KIRREL3: variants seen among roughly 807,000 people sequenced by gnomAD.
KIRREL3 encodes kirre like nephrin family adhesion molecule 3, also known as kin of IRRE-like protein 3.
KIRREL3 carries 36 observed loss-of-function variants against 89.7 expected under a neutral mutation model. The observed-to-expected ratio is 0.40, with a 90% CI of 0.31 to 0.53. The LOEUF (loss-of-function observed/expected upper bound fraction) is 0.53, where lower values mean the gene tolerates loss of function less well. KIRREL3 is among the 20% of genes least tolerant of loss of function. The pLI is 0.49. For synonymous variants in KIRREL3, 445 were observed against 441.4 expected, an observed-to-expected ratio of 1.01 and a Z score of -0.10; for missense variants, 864 against 1,056.6, an observed-to-expected ratio of 0.82 and a Z score of 2.53.
At chr11:126,714,225 A>T (rs941326463) in intron 1 of KIRREL3, among the ~76,000 whole-genome samples, 12 of 152,218 alleles carry the variant, frequency 7.9e-5, no homozygotes, top group African/African-American at 2.9e-4. Context: ...CAATACAATG[A>T]CATAATCAAT....
At chr11:126,804,122 G>A (rs1255629485) in intron 1 of KIRREL3, among the ~76,000 whole-genome samples, 2 of 152,216 alleles carry the variant, frequency 1.3e-5, no homozygotes, top group African/African-American at 4.8e-5. Context: ...TTCAATAAGG[G>A]CATGTGAGGT....
chr11:126,506,975 C>T lies in KIRREL3; in HGVS notation c.433+14340G>A, dbSNP rs370330504. ...AACTGGAAACAATCCGACTGTCTGC[C>T]GACTGGCGAATGGATAAACAGAATG... On this transcript the variant is annotated intron_variant, in intron 4 of 16. Coordinates refer to ENST00000525144, the MANE Select transcript of KIRREL3 (RefSeq NM_032531.4). 4.1e-4 allele frequency among the ~76,000 whole-genome samples: 63 copies of T among 152,112 alleles called. 1 individual carries two copies. The highest frequency in any genetic ancestry group is 1.3e-3 in the African/African-American group (55 of 41,466).
intron 5 of KIRREL3, among the ~76,000 whole-genome samples, chr11:126,472,311 C>T (rs540982414): frequency 2.0e-5 from 3 of 152,308 alleles, no homozygotes; most frequent in Admixed American, 2.0e-4. Context: ...ATTTATTTCT[C>T]ACTGTTCTGG....
At chr11:126,765,387 G>A (rs183246401) in intron 1 of KIRREL3, among the ~76,000 whole-genome samples, 4 of 152,302 alleles carry the variant, frequency 2.6e-5, no homozygotes, top group South Asian at 4.2e-4. Flanking sequence ...TGTGCGGGGA[G>A]AAATCTAAAA....
At chr11:126,790,678 AGAGTCATTGCCAGT>A (rs1950610910) in intron 1 of KIRREL3, among the ~76,000 whole-genome samples, 1 of 152,240 alleles carries the variant, frequency 6.6e-6, no homozygotes, top group African/African-American at 2.4e-5. Context: ...GTTCACGAGC[AGAGTCATTGCCAGT>A]GAGTCAGAGG....
chr11:126,996,940 G>A lies in KIRREL3; in HGVS notation c.55+3515C>T, dbSNP rs1950194615. Among the ~76,000 whole-genome samples, 1 of 152,174 alleles carries A rather than the reference G, an allele frequency of 6.6e-6. No individual in the cohort carries two copies. The highest frequency in any genetic ancestry group is 1.5e-5 in the Non-Finnish European group (1 of 68,024). The stretch of plus-strand genomic sequence containing the variant: ...GCCAGAGCAAAATGCCAGAGAGTAG[G>A]GAAGAGACCACCTTTCTTAAGAGCG... On this transcript the variant is annotated intron_variant, in intron 1 of 16. Transcript: ENST00000525144. This position sits in a 1 kb window ranked among gnomAD's most constrained non-coding sequence, Gnocchi z 4.7.
chr11:126,890,761 C>T lies in KIRREL3; in HGVS notation c.55+109694G>A, dbSNP rs1592290687. On this transcript the variant is annotated intron_variant, in intron 1 of 16. Coordinates refer to ENST00000525144, the MANE Select transcript of KIRREL3 (RefSeq NM_032531.4). The surrounding 1 kb of genome is among the most constrained non-coding windows in gnomAD (Gnocchi z 5.1). ...GAGAGTAGACGACTGCAAACATGAG[C>T]GTCCCCCAGTCCCAGCACCACAGCG... Among the ~76,000 whole-genome samples, 2 of 152,196 alleles carry T rather than the reference C, an allele frequency of 1.3e-5. No homozygotes were observed. The highest frequency in any genetic ancestry group is 2.4e-5 in the African/African-American group (1 of 41,440).
chr11:126,556,551 T>C (rs1939721278), intron 2 of KIRREL3, among the ~76,000 whole-genome samples: 1 of 152,100 alleles, frequency 6.6e-6, no homozygotes, highest in South Asian at 2.1e-4. Flanking sequence ...TGGGGTAGGA[T>C]TGCTTGAGCT....
intron 7 of KIRREL3, among the ~76,000 whole-genome samples, chr11:126,450,608 T>C (rs1242886625): frequency 1.3e-5 from 2 of 149,834 alleles, no homozygotes; most frequent in Admixed American, 1.3e-4. Flanking sequence ...TGTGTGTCCA[T>C]CGGCGTGTGC....
intron 4 of KIRREL3, among the ~76,000 whole-genome samples, chr11:126,494,863 G>A (rs982645164): frequency 1.3e-5 from 2 of 152,214 alleles, no homozygotes; most frequent in African/African-American, 4.8e-5. Flanking sequence ...AGCCACTACC[G>A]AGCTCATCCA....
intron 1 of KIRREL3, among the ~76,000 whole-genome samples, chr11:126,928,194 G>A (rs922648537): frequency 1.3e-5 from 2 of 152,252 alleles, no homozygotes; most frequent in African/African-American, 2.4e-5. Context: ...CCTTGAGGAT[G>A]TGCAGGAGTT....
chr11:126,730,016 C>T (rs568435184), intron 1 of KIRREL3, among the ~76,000 whole-genome samples: 19 of 152,292 alleles, frequency 1.2e-4, no homozygotes, highest in South Asian at 2.1e-4. Context: ...CACCCTCCTC[C>T]GGAGTTTCCA....
chr11:126,732,021 TG>T (rs976761491), intron 1 of KIRREL3, among the ~76,000 whole-genome samples: 30 of 152,060 alleles, frequency 2.0e-4, no homozygotes, highest in African/African-American at 7.2e-4. Context: ...GCAGGAAGGG[TG>T]GGACCTCACT....
rs1946807664 is a variant in KIRREL3 at position 126,689,699 on chromosome 11, G to T, written c.56-126787C>A. Among the ~76,000 whole-genome samples the T allele has an allele frequency of 6.6e-6, 1 of 152,214 alleles. No homozygotes were observed. Among genetic ancestry groups the T allele is most frequent in the Non-Finnish European group, 1.5e-5 (1 of 68,032 alleles). On this transcript the variant is annotated intron_variant, in intron 1 of 16. Transcript: ENST00000525144. The surrounding 1 kb of genome is among the most constrained non-coding windows in gnomAD (Gnocchi z 5.2). ...TTTTACGCAGTTTCGCTTCAAGTCA[G>T]TGCAACTAGCTACCTGTCTTCCTGT...
At position 126,870,322 on chromosome 11, in the gene KIRREL3, A is replaced by G. The variant is rs1945066943; in HGVS notation, c.55+130133T>C. ...GACAGCTGGGATTGTCATGGACATC[A>G]ATATGAAAGGCAGTGCAGGAGCCAG... On this transcript the variant is annotated intron_variant, in intron 1 of 16. Transcript: ENST00000525144. The surrounding 1 kb of genome is among the most constrained non-coding windows in gnomAD (Gnocchi z 4.4). Among the ~76,000 whole-genome samples, 1 of 152,194 alleles carries G rather than the reference A, an allele frequency of 6.6e-6. No individual in the cohort carries two copies. The highest frequency in any genetic ancestry group is 2.4e-5 in the African/African-American group (1 of 41,446).
rs1948413199 is a variant in KIRREL3, at chr11:126,940,752, G to A, written c.55+59703C>T. 6.6e-6 allele frequency: 1 copy of A among 152,056 alleles called. No homozygotes were observed. 9.4% of individuals were successfully genotyped at this position (152,056 alleles called of 1,614,324 possible). A position where few individuals can be genotyped will look rare whatever the true frequency, so the allele number is the denominator to read the frequency against. ...AATGACCTCAGAATTCTTCTACTTA[G>A]CCTTGTCCCTACCTCTTTACTCCTC... is the stretch of plus-strand genomic sequence containing the variant. On this transcript the variant is annotated intron_variant, in intron 1 of 16. Coordinates refer to ENST00000525144, the MANE Select transcript of KIRREL3 (RefSeq NM_032531.4). This position sits in a 1 kb window ranked among gnomAD's most constrained non-coding sequence, Gnocchi z 4.6.
At chr11:126,436,181 G>A (rs1014174617) in intron 12 of KIRREL3, among the ~76,000 whole-genome samples, 1 of 152,228 alleles carries the variant, frequency 6.6e-6, no homozygotes, top group Non-Finnish European at 1.5e-5. Flanking sequence ...TCACCCACCC[G>A]GCTGCTTTGC....
rs529510552 is a variant in KIRREL3 at position 126,531,323 on chromosome 11, C to T, written c.134-4636G>A. Among the ~76,000 whole-genome samples, 4 of 152,322 alleles carry T rather than the reference C, an allele frequency of 2.6e-5. No homozygotes were observed. The highest frequency in any genetic ancestry group is 3.9e-4 in the East Asian group (2 of 5,186). ...ATTAATGTGCTGAACCTGGATTTTC[C>T]GTCTTAATTCACCACTTGCTTCAGG... is the stretch of plus-strand genomic sequence containing the variant. On this transcript the variant is annotated intron_variant, in intron 2 of 16. Transcript: ENST00000525144. This position sits in a 1 kb window ranked among gnomAD's most constrained non-coding sequence, Gnocchi z 4.7.
chr11:126,751,405 C>T (rs1360486520), intron 1 of KIRREL3, among the ~76,000 whole-genome samples: 2 of 152,208 alleles, frequency 1.3e-5, no homozygotes, highest in Non-Finnish European at 2.9e-5. Flanking sequence ...GGGAAGGTTT[C>T]AATATCTCTG....
Sources: allele counts gnomAD v4.1 joint callset (sites outside exome capture counted in the v4.1 genomes callset), GRCh38; gene constraint gnomAD v4.1.1; non-coding constraint Gnocchi (gnomAD v3.1); transcripts MANE v1.5; gene names NCBI Gene and HGNC (gene_info 2026-07-23, HGNC 2026-07-21).